ROBO2: variants seen among roughly 807,000 people sequenced by gnomAD.
The protein encoded by ROBO2 is roundabout guidance receptor 2.
A neutral mutation model predicts 160.8 loss-of-function variants in ROBO2; 53 were observed. The ratio of observed to expected loss-of-function variants is 0.33; its 90% CI spans 0.26 to 0.41. The LOEUF (loss-of-function observed/expected upper bound fraction) is 0.41. Among genes scored for constraint, ROBO2 ranks in the 10% least tolerant of loss-of-function variants. ROBO2 has a pLI of 1.00. For missense variants in ROBO2, 1,577 were observed against 1,722.4 expected, an observed-to-expected ratio of 0.92 and a Z score of 1.49; for synonymous variants, 664 against 611.7, an observed-to-expected ratio of 1.09 and a Z score of -1.26.
chr3:76,168,592 T>A (rs1424132932), intron 2 of ROBO2, among the ~76,000 whole-genome samples: 4 of 152,084 alleles, frequency 2.6e-5, no homozygotes, highest in African/African-American at 9.7e-5. Flanking sequence ...CCCTTACAAA[T>A]CCACATATCC....
At chr3:77,180,163 G>A (rs545693566) in intron 2 of ROBO2, among the ~76,000 whole-genome samples, 1 of 152,002 alleles carries the variant, frequency 6.6e-6, no homozygotes, top group Non-Finnish European at 1.5e-5. Context: ...AAAAACACTT[G>A]TAAGTGGTAT....
intron 2 of ROBO2, among the ~76,000 whole-genome samples, chr3:75,996,703 C>T (rs968699186): frequency 5.9e-5 from 9 of 152,028 alleles, no homozygotes; most frequent in Non-Finnish European, 1.3e-4. Flanking sequence ...CCTTTTCCTC[C>T]TAAAGTAATG....
chr3:77,526,058 C>T (rs967873996), intron 6 of ROBO2, among the ~76,000 whole-genome samples: 17 of 151,260 alleles, frequency 1.1e-4, no homozygotes, highest in African/African-American at 1.9e-4. Flanking sequence ...AGAAAGAAAT[C>T]GTGGTACATT....
chr3:76,893,604 AATG>A (rs1385063697), intron 2 of ROBO2, among the ~76,000 whole-genome samples: 1 of 152,122 alleles, frequency 6.6e-6, no homozygotes. Context: ...TAATATGTAT[AATG>A]ATCAAGTCAG....
intron 2 of ROBO2, among the ~76,000 whole-genome samples, chr3:76,372,812 T>A (rs1481504923): frequency 6.6e-6 from 1 of 151,898 alleles, no homozygotes. Context: ...CCTCTCACAA[T>A]GATTAGGACT....
chr3:77,077,163 T>C (rs1490619738), intron 1 of ROBO2, among the ~76,000 whole-genome samples: 1 of 152,168 alleles, frequency 6.6e-6, no homozygotes, highest in Non-Finnish European at 1.5e-5. Flanking sequence ...TTCCTGTGCA[T>C]CTATACAAGC....
intron 2 of ROBO2, among the ~76,000 whole-genome samples, chr3:76,013,944 G>A (rs1280234322): frequency 6.6e-6 from 1 of 151,968 alleles, no homozygotes; most frequent in Non-Finnish European, 1.5e-5. Flanking sequence ...TGGGCACGGG[G>A]GTGTATGCGT....
At chr3:76,949,350 T>C (rs917600806) in intron 2 of ROBO2, among the ~76,000 whole-genome samples, 14 of 152,122 alleles carry the variant, frequency 9.2e-5, no homozygotes, top group African/African-American at 3.1e-4. Context: ...CCCCAACCCA[T>C]GCGGACTGTG....
intron 2 of ROBO2, among the ~76,000 whole-genome samples, chr3:76,567,020 A>T (rs886484233): frequency 6.6e-6 from 1 of 152,198 alleles, no homozygotes; most frequent in African/African-American, 2.4e-5. Context: ...AAAAAGTCTA[A>T]ATCAGCTACC....
At chr3:76,027,125 T>C (rs2066772875) in intron 2 of ROBO2, among the ~76,000 whole-genome samples, 1 of 152,032 alleles carries the variant, frequency 6.6e-6, no homozygotes, top group Non-Finnish European at 1.5e-5. Context: ...TTCTTCTTCA[T>C]GTCACATTTA....
intron 2 of ROBO2, among the ~76,000 whole-genome samples, chr3:77,398,688 C>A (rs1444396405): frequency 6.6e-6 from 1 of 151,896 alleles, no homozygotes; most frequent in Non-Finnish European, 1.5e-5. Flanking sequence ...CTCAAGTGAT[C>A]CTTCCATCTC....
intron 2 of ROBO2, among the ~76,000 whole-genome samples, chr3:77,188,005 A>G (rs1003849793): frequency 2.0e-5 from 3 of 151,130 alleles, no homozygotes; most frequent in Non-Finnish European, 2.9e-5. Flanking sequence ...ACCATAAACT[A>G]TTAGAATAGT....
intron 2 of ROBO2, among the ~76,000 whole-genome samples, chr3:76,596,393 T>G (rs2086736642): frequency 6.6e-6 from 1 of 152,022 alleles, no homozygotes; most frequent in South Asian, 2.1e-4. Flanking sequence ...GTAGCGCATG[T>G]AGAAATTAGG....
chr3:77,065,781 T>G (rs527903188), intron 1 of ROBO2, among the ~76,000 whole-genome samples: 1 of 152,130 alleles, frequency 6.6e-6, no homozygotes, highest in Non-Finnish European at 1.5e-5. Context: ...TAGTGCCTCA[T>G]GCTATTATGG....
intron 2 of ROBO2, among the ~76,000 whole-genome samples, chr3:76,080,407 C>T (rs1014030417): frequency 2.0e-5 from 3 of 152,128 alleles, no homozygotes; most frequent in East Asian, 1.9e-4. Flanking sequence ...TGCGGGACTT[C>T]GGGTGGAAGA....
intron 2 of ROBO2, among the ~76,000 whole-genome samples, chr3:77,103,613 T>C (rs1266986511): frequency 6.6e-6 from 1 of 152,132 alleles, no homozygotes; most frequent in African/African-American, 2.4e-5. Context: ...AGGATGATTA[T>C]TTTTTCTTTT....
chr3:77,234,496 G>T (rs17769969), intron 2 of ROBO2, among the ~76,000 whole-genome samples: 1 of 151,922 alleles, frequency 6.6e-6, no homozygotes, highest in African/African-American at 2.4e-5. Flanking sequence ...TAGGTGAATC[G>T]CACAGACAAT....
intron 6 of ROBO2, among the ~76,000 whole-genome samples, chr3:77,539,691 AT>A (rs1287848727): frequency 1.3e-5 from 2 of 152,180 alleles, no homozygotes; most frequent in Non-Finnish European, 2.9e-5. Flanking sequence ...GGTGAAAAAA[AT>A]ATACCATTTA....
At chr3:76,250,012 T>C (rs1296482586) in intron 2 of ROBO2, among the ~76,000 whole-genome samples, 1 of 152,100 alleles carries the variant, frequency 6.6e-6, no homozygotes, top group Non-Finnish European at 1.5e-5. Context: ...AAATTTCCCA[T>C]GTTTATTTAA....
Sources: gnomAD v4.1 joint callset for allele counts (sites outside exome capture counted in the v4.1 genomes callset) on GRCh38, gnomAD v4.1.1 for gene constraint, MANE v1.5 for transcripts, NCBI Gene and HGNC (gene_info 2026-07-23, HGNC 2026-07-21) for gene names.